The following MEGF9 variants were observed in gnomAD, a reference collection of about 807,000 sequenced individuals.
MEGF9 encodes multiple epidermal growth factor-like domains protein 9.
A neutral mutation model predicts 46.8 loss-of-function variants in MEGF9; 6 were observed. That is an observed-to-expected ratio of 0.13 (90% CI 0.07 to 0.25). MEGF9 has a LOEUF of 0.25. Among genes scored for constraint, MEGF9 ranks in the 10% least tolerant of loss-of-function variants. The probability of loss-of-function intolerance (pLI) is 1.00; values close to 1 mark genes in which losing one functional copy is unlikely to be tolerated. For synonymous variants in MEGF9, 302 were observed against 330.7 expected (o/e 0.91, Z 0.94); for missense variants, 683 against 792.4 (o/e 0.86, Z 1.66).
chr9:120,677,922 C>T (rs913200607), intron 1 of MEGF9, among the ~76,000 whole-genome samples: 1 of 152,186 alleles, frequency 6.6e-6, no homozygotes, highest in Non-Finnish European at 1.5e-5. Flanking sequence ...CCCTTCCATG[C>T]AACCCCCGAC....
intron 3 of MEGF9, among the ~76,000 whole-genome samples, chr9:120,618,993 A>G (rs1318250223): frequency 6.6e-6 from 1 of 152,044 alleles, no homozygotes; most frequent in Non-Finnish European, 1.5e-5. Context: ...ATTATATGGC[A>G]TAAGTTATTT....
chr9:120,709,768 C>T (rs1216675748), intron 1 of MEGF9, among the ~76,000 whole-genome samples: 1 of 152,116 alleles, frequency 6.6e-6, no homozygotes, highest in East Asian at 1.9e-4. Flanking sequence ...AACATTTGGG[C>T]CAGCGTGCGG....
chr9:120,712,514 T>A (rs139758786), intron 1 of MEGF9, among the ~76,000 whole-genome samples: 2,035 of 152,300 alleles, frequency 0.013, 51 homozygotes, highest in African/African-American at 0.047. Flanking sequence ...CAAAAGGGGT[T>A]ACAGGTAAAA....
At chr9:120,624,370 G>A (rs1421661991) in intron 2 of MEGF9, among the ~76,000 whole-genome samples, 1 of 152,038 alleles carries the variant, frequency 6.6e-6, no homozygotes, top group African/African-American at 2.4e-5. Context: ...TGGGACTACA[G>A]GTATGCGCCA....
At chr9:120,660,904 A>G (rs142589027) in intron 1 of MEGF9, among the ~76,000 whole-genome samples, 1 of 152,298 alleles carries the variant, frequency 6.6e-6, no homozygotes, top group Non-Finnish European at 1.5e-5. Flanking sequence ...GTACCAACAC[A>G]GTTTAGCTTG....
At chr9:120,659,861 T>A (rs2043694546) in intron 1 of MEGF9, among the ~76,000 whole-genome samples, 1 of 150,798 alleles carries the variant, frequency 6.6e-6, no homozygotes, top group South Asian at 2.1e-4. Context: ...AAAGGCAGGC[T>A]TATCTACATG....
intron 1 of MEGF9, among the ~76,000 whole-genome samples, chr9:120,677,973 T>C (rs2043780980): frequency 6.6e-6 from 1 of 152,196 alleles, no homozygotes; most frequent in South Asian, 2.1e-4. Flanking sequence ...CTATTCTCTA[T>C]CTCTATGAGT....
chr9:120,608,021 G>A lies in MEGF9; in HGVS notation c.1088-11C>T, dbSNP rs1207901922. On this transcript the variant is annotated splice_polypyrimidine_tract_variant and intron_variant, in intron 4 of 5. Transcript: ENST00000373930. The stretch of plus-strand genomic sequence containing the variant: ...CCAATTCACTCGATTCTAAAAGAGA[G>A]AATGCCAAAATAGTTTAGTACAGTC... 6.2e-7 allele frequency: 1 copy of A among 1,612,958 alleles called. No homozygotes were observed. Among genetic ancestry groups the A allele is most frequent in the Non-Finnish European group, 8.5e-7 (1 of 1,179,070 alleles).
intron 2 of MEGF9, among the ~76,000 whole-genome samples, chr9:120,631,979 G>A (rs2043552700): frequency 6.6e-6 from 1 of 151,664 alleles, no homozygotes; most frequent in African/African-American, 2.4e-5. Context: ...CCAGGCTGGA[G>A]TGCAGTGATG....
At chr9:120,609,940 C>T (rs1157531576) in intron 4 of MEGF9, among the ~76,000 whole-genome samples, 4 of 151,994 alleles carry the variant, frequency 2.6e-5, no homozygotes, top group African/African-American at 4.8e-5. Context: ...ATTTATATAC[C>T]GTAACATTCA....
At chr9:120,654,117 G>GAAGTTTTC in intron 2 of MEGF9, among the ~76,000 whole-genome samples, 1 of 152,308 alleles carries the variant, frequency 6.6e-6, no homozygotes, top group South Asian at 2.1e-4. Flanking sequence ...AGAAGTAAGA[G>GAAGTTTTC]TGTGAGACAG....
intron 3 of MEGF9, among the ~76,000 whole-genome samples, chr9:120,621,132 A>G (rs1031103314): frequency 2.6e-5 from 4 of 152,180 alleles, no homozygotes; most frequent in Admixed American, 6.5e-5. Context: ...TGGTTTGACT[A>G]AGTTTGCCTA....
At chr9:120,712,965 G>C (rs1298361001) in intron 1 of MEGF9, among the ~76,000 whole-genome samples, 2 of 152,128 alleles carry the variant, frequency 1.3e-5, no homozygotes, top group Non-Finnish European at 1.5e-5. Flanking sequence ...AACAGAAATT[G>C]GCATATATCA....
At chr9:120,623,237 T>C (rs2043507522) in intron 2 of MEGF9, among the ~76,000 whole-genome samples, 1 of 152,134 alleles carries the variant, frequency 6.6e-6, no homozygotes, top group African/African-American at 2.4e-5. Flanking sequence ...TGACTCTAAA[T>C]TGGTACAAGA....
intron 1 of MEGF9, among the ~76,000 whole-genome samples, chr9:120,712,354 G>A (rs2043957905): frequency 6.6e-6 from 1 of 152,168 alleles, no homozygotes; most frequent in African/African-American, 2.4e-5. Context: ...AAGAAACTGA[G>A]TCCAAAGAGC....
chr9:120,689,781 G>T (rs891573718), intron 1 of MEGF9: 3 of 307,380 alleles, frequency 9.8e-6, no homozygotes, highest in African/African-American at 2.2e-5. Context: ...CTAATAAATT[G>T]GGCCCATAAA....
rs1312126808 is a variant in MEGF9, at chr9:120,714,002, C to A, written c.357G>T (p.Pro119=). The A allele has an allele frequency of 2.9e-6, 4 of 1,379,420 alleles. No homozygotes were observed. The highest frequency in any genetic ancestry group is 2.0e-4 in the Middle Eastern group (1 of 5,098). 85.4% of individuals were successfully genotyped at this position (1,379,420 alleles called of 1,614,324 possible). ...GAGGGGTGGTCGGCGAGGGGCCGAG[C>A]GGCGCCTGAAAGGTGGTGGAAGAGG... ...AGPSSTTFQA[P]LGPSPTTPPA... The change falls in exon 1 of 6, where the codon CCG becomes CCT. Residue 119 remains proline, a synonymous_variant. Coordinates refer to ENST00000373930, the MANE Select transcript of MEGF9 (RefSeq NM_001080497.3).
At chr9:120,690,842 CA>C (rs943936988) in intron 1 of MEGF9, among the ~76,000 whole-genome samples, 10 of 151,836 alleles carry the variant, frequency 6.6e-5, no homozygotes, top group African/African-American at 2.4e-4. Flanking sequence ...TCTAACATAA[CA>C]AAAGAAGAAA....
At position 120,714,049 on chromosome 9, in the gene MEGF9, G is replaced by T; in HGVS notation, c.310C>A (p.Pro104Thr). 3.3e-5 allele frequency: 43 copies of T among 1,310,192 alleles called. No homozygotes were observed. The highest frequency in any genetic ancestry group is 4.2e-5 in the Non-Finnish European group (43 of 1,026,906). 81.2% of individuals were successfully genotyped at this position (1,310,192 alleles called of 1,614,324 possible). A position where few individuals can be genotyped will look rare whatever the true frequency, so the allele number is the denominator to read the frequency against. The change falls in exon 1 of 6, where the codon CCT becomes ACT. Residue 104 changes from proline (P) to threonine (T), a missense_variant. Around this residue, in one of 2 missense-constraint regions of MEGF9, gnomAD observed 370 missense variants for 371.3 expected, o/e 1.00. Transcript: ENST00000373930. ...GAGGGTCCAGCAGTCGCCCAAAGAGGGGTGGTCTCCGGGGACTGGGCTGGA... is the reference window on the plus strand; with the variant it reads ...GAGGGTCCAGCAGTCGCCCAAAGAGTGGTGGTCTCCGGGGACTGGGCTGGA... ...TSPAQSPETT[P>T]LWATAGPSST... is the part of the protein sequence containing the mutation.
Sources: allele counts gnomAD v4.1 joint callset (sites outside exome capture counted in the v4.1 genomes callset), GRCh38; gene constraint gnomAD v4.1.1; regional missense constraint gnomAD v4.1.1; transcripts MANE v1.5; gene names NCBI Gene and HGNC (gene_info 2026-07-23, HGNC 2026-07-21).